HYDIN: variants seen among roughly 807,000 people sequenced by gnomAD.
HYDIN encodes HYDIN axonemal central pair apparatus protein.
A neutral mutation model predicts 403.9 loss-of-function variants in HYDIN; 132 were observed. That is an observed-to-expected ratio of 0.33 (90% CI 0.28 to 0.38). The LOEUF is 0.38. HYDIN is among the 10% of genes least tolerant of loss of function. The pLI is 1.00. For synonymous variants in HYDIN, 1,202 were observed against 1,891.7 expected (o/e 0.64, Z 9.46); for missense variants, 2,827 against 5,009.5 (o/e 0.56, Z 13.15).
At chr16:71,132,230 G>C (rs1292476510) in intron 8 of HYDIN, 1 of 32,566 alleles carries the variant, frequency 3.1e-5, no homozygotes, top group African/African-American at 1.4e-4. Context: ...CTCAGGCTGA[G>C]GCACTAAGAT....
intron 18 of HYDIN, among the ~76,000 whole-genome samples, chr16:71,033,843 G>C (rs982828300): frequency 5.5e-4 from 84 of 151,532 alleles, no homozygotes; most frequent in Admixed American, 1.1e-3. Flanking sequence ...AATTATGAAA[G>C]TCCTGTTTTA....
intron 5 of HYDIN, among the ~76,000 whole-genome samples, chr16:71,171,539 C>T (rs1276225200): frequency 6.6e-6 from 1 of 152,138 alleles, no homozygotes. Flanking sequence ...GTAATCTTTT[C>T]TGGGTACTAC....
At chr16:71,185,247 A>C (rs2087089363) in intron 2 of HYDIN, among the ~76,000 whole-genome samples, 1 of 152,190 alleles carries the variant, frequency 6.6e-6, no homozygotes. Context: ...ATCACACAAA[A>C]GAACCTGAGA....
chr16:70,884,931 G>C (rs960995245), intron 58 of HYDIN, among the ~76,000 whole-genome samples: 6 of 152,218 alleles, frequency 3.9e-5, no homozygotes, highest in African/African-American at 1.4e-4. Flanking sequence ...ATTTCCTCTG[G>C]AGCACAAAAT....
At chr16:70,960,985 C>T (rs2078401250) in intron 38 of HYDIN, among the ~76,000 whole-genome samples, 1 of 152,266 alleles carries the variant, frequency 6.6e-6, no homozygotes, top group Non-Finnish European at 1.5e-5. Context: ...GCCACCTTGC[C>T]CGGCCTAGCT....
In HYDIN at chr16:71,031,892, A is replaced by G. The variant is rs2080926348; in HGVS notation, c.2555T>C (p.Ile852Thr). 4 of 1,267,074 alleles carry G rather than the reference A, an allele frequency of 3.2e-6. No individual in the cohort carries two copies. Among genetic ancestry groups the G allele is most frequent in the Non-Finnish European group, 4.5e-6 (4 of 897,894 alleles). 78.5% of individuals were successfully genotyped at this position (1,267,074 alleles called of 1,614,324 possible). A position where few individuals can be genotyped will look rare whatever the true frequency, so the allele number is the denominator to read the frequency against. Residue 852 changes from isoleucine (I) to threonine (T), a missense_variant, in exon 19 of 86, where the codon ATT becomes ACT. By Grantham distance (89) the Ile-to-Thr change is moderately conservative. Coordinates refer to ENST00000393567, the MANE Select transcript of HYDIN (RefSeq NM_001270974.2). ...HMAHKKSLWTIEPNEGMVPPE... is the reference protein window; with the variant it reads ...HMAHKKSLWTTEPNEGMVPPE... ...AGGAACCATGCCTTCATTGGGTTCA[A>G]TCGTCCAAAGGGATTTTTTGTGTGC... is the stretch of plus-strand genomic sequence containing the variant.
intron 5 of HYDIN, 37 bp downstream of exon 5, chr16:71,175,570 G>C: frequency 6.2e-7 from 1 of 1,607,610 alleles, no homozygotes; most frequent in Non-Finnish European, 8.5e-7. Context: ...CAATCTGCCA[G>C]TACAAGTGTC....
At chr16:70,911,302 G>A (rs372388328) in intron 47 of HYDIN, among the ~76,000 whole-genome samples, 9 of 149,568 alleles carry the variant, frequency 6.0e-5, no homozygotes, top group African/African-American at 2.2e-4. Context: ...GGTGAGAGAT[G>A]AGGATCCAGT....
At chr16:70,895,944 A>G in intron 54 of HYDIN, 37 bp downstream of exon 54, 15 of 1,562,190 alleles carry the variant, frequency 9.6e-6, no homozygotes, top group Non-Finnish European at 1.2e-5. Context: ...AAAAGACCCA[A>G]CTTCCAAACA....
rs530216208 is a variant in HYDIN at position 70,940,738 on chromosome 16, G to C, written c.6853+898C>G. ...ATGAGACTATAAAGAAGCTGACTTTGAGTTCTGTTCAAGGACTTCGACAGC... is the reference window on the plus strand; with the variant it reads ...ATGAGACTATAAAGAAGCTGACTTTCAGTTCTGTTCAAGGACTTCGACAGC... On this transcript the variant is annotated intron_variant, in intron 43 of 85. Coordinates refer to ENST00000393567, the MANE Select transcript of HYDIN (RefSeq NM_001270974.2). Among the ~76,000 whole-genome samples the C allele has an allele frequency of 4.6e-5, 7 of 151,810 alleles. No homozygotes were observed. In the South Asian group the frequency reaches 8.3e-4, roughly 18 times the overall value.
intron 1 of HYDIN, among the ~76,000 whole-genome samples, chr16:71,199,026 G>A (rs980594705): frequency 2.0e-5 from 3 of 152,140 alleles, no homozygotes; most frequent in Non-Finnish European, 4.4e-5. Context: ...GCTATCTGGT[G>A]GATGTGTCAT....
At chr16:71,021,822 T>C (rs1469971491) in intron 21 of HYDIN, among the ~76,000 whole-genome samples, 1 of 152,150 alleles carries the variant, frequency 6.6e-6, no homozygotes, top group Non-Finnish European at 1.5e-5. Flanking sequence ...TTTCATACTT[T>C]GATATGACTC....
chr16:70,967,677 G>A (rs1026131886), intron 36 of HYDIN, among the ~76,000 whole-genome samples: 3 of 151,942 alleles, frequency 2.0e-5, no homozygotes, highest in Admixed American at 6.6e-5. Flanking sequence ...TAGTAGACAC[G>A]GGGTTTCACC....
intron 84 of HYDIN, 90 bp from the exon 85 acceptor site, chr16:70,810,097 G>A (rs2035373268): frequency 1.6e-6 from 2 of 1,226,376 alleles, no homozygotes; most frequent in East Asian, 2.3e-5. Context: ...ATAGCAGGTT[G>A]GGGGCAGAAA....
At position 70,970,562 on chromosome 16, in the gene HYDIN, A is replaced by C; in HGVS notation, c.5577T>G (p.Phe1859Leu). The C allele has an allele frequency of 1.5e-6, 2 of 1,358,742 alleles. No individual in the cohort carries two copies. The highest frequency in any genetic ancestry group is 3.7e-5 in the Admixed American group (2 of 54,674). The allele number at this position is 1,358,742 out of a possible 1,614,324, so 84.2% of individuals were successfully genotyped here. A position where few individuals can be genotyped will look rare whatever the true frequency, so the allele number is the denominator to read the frequency against. ...ACTGCTGATCAAATTCTAAGGAATA[A>C]AACTCAATGGGGAAGTTGCAGGGAT... ...VKNPCNFPIE[F>L]YSLEFDQQYL... Residue 1859 changes from phenylalanine to leucine, a missense_variant, in exon 36 of 86, where the codon TTT becomes TTG. Coordinates refer to ENST00000393567, the MANE Select transcript of HYDIN (RefSeq NM_001270974.2).
chr16:70,833,993 G>A lies in HYDIN; in HGVS notation c.13573C>T (p.Leu4525=). The part of the protein sequence containing the change: ...LFLLSGCCQA[L]EISLDQEHIP... ...TGTTCCTGGTCCAGTGAGATCTCCAGGGCCTGGCAGCAGCCGCTAAGGAGG... is the reference window on the plus strand; with the variant it reads ...TGTTCCTGGTCCAGTGAGATCTCCAAGGCCTGGCAGCAGCCGCTAAGGAGG... Residue 4525 remains leucine (L), a synonymous_variant, in exon 79 of 86, where the codon CTG becomes TTG. Transcript: ENST00000393567. The A allele has an allele frequency of 1.2e-6, 2 of 1,608,492 alleles. No individual in the cohort carries two copies. The highest frequency in any genetic ancestry group is 1.1e-5 in the South Asian group (1 of 90,904).
intron 83 of HYDIN, among the ~76,000 whole-genome samples, chr16:70,824,986 A>G (rs1389073897): frequency 6.6e-6 from 1 of 151,778 alleles, no homozygotes; most frequent in African/African-American, 2.4e-5. Flanking sequence ...AGTAGCTGAG[A>G]CTATAGGCGC....
chr16:71,228,704 G>A (rs1042015670), intron 1 of HYDIN, among the ~76,000 whole-genome samples: 10 of 152,188 alleles, frequency 6.6e-5, no homozygotes, highest in African/African-American at 1.9e-4. Flanking sequence ...TTACACTGTT[G>A]GTGGGACTGT....
At chr16:70,971,447 T>A (rs1411909476) in intron 35 of HYDIN, among the ~76,000 whole-genome samples, 1 of 151,934 alleles carries the variant, frequency 6.6e-6, no homozygotes, top group East Asian at 1.9e-4. Flanking sequence ...CTAGTCTGAT[T>A]TCACTGGGGA....
Sources: gnomAD v4.1 joint callset for allele counts (sites outside exome capture counted in the v4.1 genomes callset) on GRCh38, gnomAD v4.1.1 for gene constraint, MANE v1.5 for transcripts, NCBI Gene and HGNC (gene_info 2026-07-23, HGNC 2026-07-21) for gene names.